DNAAF9: variants seen among roughly 807,000 people sequenced by gnomAD.
DNAAF9 encodes shulin.
DNAAF9 carries 90 observed loss-of-function variants against 167.0 expected under a neutral mutation model. The ratio of observed to expected loss-of-function variants is 0.54; its 90% CI spans 0.45 to 0.64. DNAAF9 has a LOEUF of 0.64. DNAAF9 is among the 30% of genes least tolerant of loss of function. DNAAF9 has a pLI of 0.00. For missense variants in DNAAF9, 1,315 were observed against 1,442.2 expected (o/e 0.91, Z 1.43); for synonymous variants, 491 against 508.8 (o/e 0.96, Z 0.47).
At chr20:3,297,983 G>A (rs764199197) in intron 22 of DNAAF9, 46 bp downstream of exon 22, 22 of 1,498,702 alleles carry the variant, frequency 1.5e-5, no homozygotes, top group Non-Finnish European at 1.8e-5. Context: ...ATTGCTAGGG[G>A]GAAAAAAAAG....
At chr20:3,342,032 C>A (rs2070097279) in intron 9 of DNAAF9, among the ~76,000 whole-genome samples, 1 of 152,172 alleles carries the variant, frequency 6.6e-6, no homozygotes, top group Admixed American at 6.5e-5. Context: ...CCACCTCGGC[C>A]TCCCAGGTGA....
intron 1 of DNAAF9, among the ~76,000 whole-genome samples, chr20:3,399,119 T>C (rs1338043716): frequency 6.6e-6 from 1 of 152,234 alleles, no homozygotes; most frequent in Non-Finnish European, 1.5e-5. Context: ...ACCAGAGCCA[T>C]TAGTAATCCT....
rs188316713 is a variant in DNAAF9 at position 3,316,749 on chromosome 20, C to A, written c.1513G>T (p.Ala505Ser). The change falls in exon 18 of 37, where the codon GCT becomes TCT. Residue 505 changes from alanine (A) to serine (S), a missense_variant. By Grantham distance (99) the Ala-to-Ser change is moderately conservative. Around this residue, in one of 2 missense-constraint regions of DNAAF9, gnomAD observed 981 missense variants for 1,012.5 expected, o/e 0.97. Coordinates refer to ENST00000252032, the MANE Select transcript of DNAAF9 (RefSeq NM_001009984.3). ...TETSSVVLTA[A>S]VPRFCSWLVE... ...AGCCAGGAGCAGAATCTGGGTACAGCAGCAGTCAGGACTACGGAGCTGGTT... is the reference window on the plus strand; with the variant it reads ...AGCCAGGAGCAGAATCTGGGTACAGAAGCAGTCAGGACTACGGAGCTGGTT... 1 of 1,613,838 alleles carries A rather than the reference C, an allele frequency of 6.2e-7. No homozygotes were observed. Among genetic ancestry groups the A allele is most frequent in the Non-Finnish European group, 8.5e-7 (1 of 1,179,746 alleles).
In DNAAF9 at chr20:3,250,504, A is replaced by G. The variant is rs141945632; in HGVS notation, c.*2068T>C. On this transcript the variant is annotated 3_prime_UTR_variant, in exon 37 of 37. Transcript: ENST00000252032. ...GCTTCTTCACGTTTTGACTTTTTTC[A>G]ATCACAGTTTCATATTCAAGTTGAG... 6.6e-6 allele frequency: 1 copy of G among 152,262 alleles called. No homozygotes were observed. Among genetic ancestry groups the G allele is most frequent in the African/African-American group, 2.4e-5 (1 of 41,552 alleles). The allele number at this position is 152,262 out of a possible 1,614,324, so 9.4% of individuals were successfully genotyped here.
intron 6 of DNAAF9, among the ~76,000 whole-genome samples, chr20:3,367,603 T>C (rs934992439): frequency 6.6e-6 from 1 of 152,034 alleles, no homozygotes; most frequent in Admixed American, 6.6e-5. Context: ...TTATGGTCAA[T>C]GAATAGGGAA....
At chr20:3,349,204 CA>C (rs56109511) in intron 7 of DNAAF9, among the ~76,000 whole-genome samples, 10 of 85,518 alleles carry the variant, frequency 1.2e-4, no homozygotes, top group Admixed American at 3.5e-4. Context: ...AAAAAAAAAA[CA>C]AAAAAAAAAA....
chr20:3,319,279 A>AAAAAG (rs2069571532), intron 16 of DNAAF9, among the ~76,000 whole-genome samples: 1 of 144,924 alleles, frequency 6.9e-6, no homozygotes, highest in African/African-American at 2.7e-5. Flanking sequence ...AAAAAAAAAA[A>AAAAAG]AAAAAAAAAA....
chr20:3,270,583 A>T (rs921987382), intron 29 of DNAAF9, 21 bp from the exon 30 acceptor site: 1 of 1,610,756 alleles, frequency 6.2e-7, no homozygotes, highest in East Asian at 2.2e-5. Flanking sequence ...AACCAAGGAC[A>T]GTTTAGCCTT....
intron 9 of DNAAF9, among the ~76,000 whole-genome samples, chr20:3,342,899 C>T (rs1009963687): frequency 3.3e-5 from 5 of 152,306 alleles, no homozygotes; most frequent in East Asian, 1.9e-4. Context: ...TGGACCTTCA[C>T]ACCCTGATCC....
intron 23 of DNAAF9, chr20:3,296,042 T>C: frequency 1.1e-6 from 1 of 949,464 alleles, no homozygotes; most frequent in Non-Finnish European, 1.7e-6. Flanking sequence ...TTTTCCACCC[T>C]GGTAGTAACC....
intron 13 of DNAAF9, 27 bp from the exon 14 acceptor site, chr20:3,324,995 T>G: frequency 7.5e-7 from 1 of 1,340,378 alleles, no homozygotes; most frequent in East Asian, 2.3e-5. Context: ...CAGCGACAAT[T>G]AGCTTTCACA....
In DNAAF9 at chr20:3,382,502, T is replaced by C; in HGVS notation, c.88A>G (p.Ser30Gly). The stretch of plus-strand genomic sequence containing the variant: ...ATGCTCTGAACCTGCCGAAGTCGAC[T>C]GCAGCTGCAACAAGAACAGAAAATG... ...SSRGSPSVSC[S>G]RLRQVQSILT... Residue 30 changes from serine to glycine, a missense_variant, in exon 2 of 37, where the codon AGT (serine) becomes GGT (glycine). Physicochemically the swap from Ser to Gly is moderately conservative, Grantham distance 56. Coordinates refer to ENST00000252032, the MANE Select transcript of DNAAF9 (RefSeq NM_001009984.3). The C allele has an allele frequency of 6.2e-7, 1 of 1,613,632 alleles. No individual in the cohort carries two copies. Among genetic ancestry groups the C allele is most frequent in the South Asian group, 1.1e-5 (1 of 91,060 alleles).
chr20:3,390,262 A>C (rs2083808057), intron 1 of DNAAF9, among the ~76,000 whole-genome samples: 1 of 152,140 alleles, frequency 6.6e-6, no homozygotes. Context: ...TTGACATAAA[A>C]GAAGACAGAT....
intron 22 of DNAAF9, 103 bp from the exon 23 acceptor site, chr20:3,297,052 C>A: frequency 4.3e-6 from 3 of 698,448 alleles, no homozygotes; most frequent in Non-Finnish European, 7.6e-6. Context: ...ACTGTCACTG[C>A]AGAGAAAATG....
chr20:3,296,166 C>T, intron 23 of DNAAF9: 2 of 594,416 alleles, frequency 3.4e-6, no homozygotes, highest in South Asian at 1.4e-5. Flanking sequence ...GTAGTCCCAC[C>T]TGCTAAGCGG....
chr20:3,278,029 T>C (rs1005428467), intron 29 of DNAAF9, among the ~76,000 whole-genome samples: 2 of 152,186 alleles, frequency 1.3e-5, no homozygotes, highest in Non-Finnish European at 2.9e-5. Flanking sequence ...ACCCCAGGCA[T>C]GTCTCCTGAT....
At chr20:3,371,333 C>CTTTTT (rs532202424) in intron 6 of DNAAF9, among the ~76,000 whole-genome samples, 1 of 84,076 alleles carries the variant, frequency 1.2e-5, no homozygotes, top group Non-Finnish European at 2.2e-5. Context: ...TGAAGAAAAT[C>CTTTTT]TTTTTTTTTT....
At chr20:3,291,313 T>C (rs942235221) in intron 25 of DNAAF9, among the ~76,000 whole-genome samples, 1 of 151,756 alleles carries the variant, frequency 6.6e-6, no homozygotes, top group South Asian at 2.1e-4. Context: ...TGTAAATGAC[T>C]TGGCATGGCA....
intron 1 of DNAAF9, among the ~76,000 whole-genome samples, chr20:3,393,439 G>T (rs573105530): frequency 6.6e-6 from 1 of 152,174 alleles, no homozygotes; most frequent in African/African-American, 2.4e-5. Flanking sequence ...TTGAGCCCAG[G>T]AGGTTGAGGC....
Sources: gnomAD v4.1 joint callset for allele counts (sites outside exome capture counted in the v4.1 genomes callset) on GRCh38, gnomAD v4.1.1 for gene constraint, gnomAD v4.1.1 regional missense constraint, MANE v1.5 for transcripts, NCBI Gene and HGNC (gene_info 2026-07-23, HGNC 2026-07-21) for gene names.